Variants in DNAH10 observed in about 807,000 individuals in gnomAD.
The protein encoded by DNAH10 is axonemal beta dynein heavy chain 10.
In DNAH10, 348 loss-of-function variants were observed where a neutral mutation model predicts 506.6. The observed-to-expected ratio is 0.69, with a 90% CI of 0.63 to 0.75. The LOEUF (loss-of-function observed/expected upper bound fraction) is 0.75. DNAH10 is among the 30% of genes least tolerant of loss of function. The pLI, the probability that DNAH10 is intolerant of heterozygous loss-of-function variation, is 0.00. For missense variants in DNAH10, 5,179 were observed against 5,787.1 expected (o/e 0.89, Z 3.41); for synonymous variants, 2,059 against 2,198.6 (o/e 0.94, Z 1.78).
In DNAH10 at chr12:123,917,659, G is replaced by A. The variant is rs762248686; in HGVS notation, c.11078G>A (p.Arg3693Gln). 31 of 1,551,830 alleles carry A rather than the reference G, an allele frequency of 2.0e-5. No homozygotes were observed. The highest frequency in any genetic ancestry group is 2.0e-4 in the Admixed American group (10 of 51,036). ...AYERRELEEQ[R>Q]EHLIQETSEN... ...GAGAGGCGGGAGCTGGAGGAGCAGCGGGAGCACCTCATCCAGGAGACCAGC... is the reference window on the plus strand; with the variant it reads ...GAGAGGCGGGAGCTGGAGGAGCAGCAGGAGCACCTCATCCAGGAGACCAGC... Residue 3693 changes from arginine to glutamine, a missense_variant, in exon 64 of 79, where the codon CGG (arginine) becomes CAG (glutamine). Transcript: ENST00000673944. The surrounding 1 kb of genome is among the most constrained non-coding windows in gnomAD (Gnocchi z 5.6).
chr12:123,791,365 C>T (rs1958073779), intron 11 of DNAH10, among the ~76,000 whole-genome samples: 1 of 152,128 alleles, frequency 6.6e-6, no homozygotes, highest in South Asian at 2.1e-4. Context: ...CTCACCTTTT[C>T]AGTCTCATGC....
chr12:123,873,803 AT>A, intron 46 of DNAH10, 93 bp downstream of exon 46: 1 of 1,444,822 alleles, frequency 6.9e-7, no homozygotes. Context: ...GTATGAGAAC[AT>A]TGATCTTTAC....
intron 37 of DNAH10, among the ~76,000 whole-genome samples, chr12:123,857,997 T>G (rs1951464190): frequency 6.6e-6 from 1 of 152,206 alleles, no homozygotes; most frequent in Admixed American, 6.5e-5. Flanking sequence ...TCACTAACAG[T>G]GTTTTCAACA....
intron 51 of DNAH10, among the ~76,000 whole-genome samples, chr12:123,885,760 AT>A (rs1370372682): frequency 6.6e-6 from 1 of 152,194 alleles, no homozygotes; most frequent in Non-Finnish European, 1.5e-5. Context: ...AATACTAGAT[AT>A]TGTCATGCTG....
Position 123,813,489 on chromosome 12 carries a change from C to G in DNAH10, c.3470C>G (p.Pro1157Arg). The change falls in exon 20 of 79, where the codon CCT becomes CGT. Residue 1157 changes from proline to arginine, a missense_variant. Pro to Arg is a moderately radical substitution (Grantham distance 103, BLOSUM62 -2). Coordinates refer to ENST00000673944, the MANE Select transcript of DNAH10 (RefSeq NM_001372106.1). ...SKIAYEVMRH[P>R]LIKDEHCIRL... ...ATAGCTTATGAGGTTATGCGCCACC[C>G]TCTAATTAAGGATGAGCATTGCATC... is the stretch of plus-strand genomic sequence containing the variant. The G allele has an allele frequency of 6.2e-7, 1 of 1,614,158 alleles. No individual in the cohort carries two copies. Among genetic ancestry groups the G allele is most frequent in the Non-Finnish European group, 8.5e-7 (1 of 1,180,036 alleles).
chr12:123,808,513 T>C (rs1958802223), intron 18 of DNAH10, among the ~76,000 whole-genome samples: 1 of 152,174 alleles, frequency 6.6e-6, no homozygotes, highest in Admixed American at 6.5e-5. Flanking sequence ...GAGTGCTCCT[T>C]TTTCCTTACC....
intron 61 of DNAH10, 114 bp from the exon 62 acceptor site, chr12:123,914,738 G>T: frequency 1.4e-6 from 2 of 1,461,522 alleles, no homozygotes; most frequent in Non-Finnish European, 1.8e-6. Context: ...CTCTGAGGAG[G>T]CTTGTGTGGC....
chr12:123,842,404 A>G (rs1435706545), intron 30 of DNAH10, among the ~76,000 whole-genome samples: 1 of 152,248 alleles, frequency 6.6e-6, no homozygotes, highest in Non-Finnish European at 1.5e-5. Flanking sequence ...AGAAATACAG[A>G]AAGCCTCTTT....
intron 28 of DNAH10, 124 bp from the exon 29 acceptor site, chr12:123,838,311 CCCTGAAAGCCAATGGCACTGG>C (rs1961392715): frequency 1.6e-6 from 1 of 636,184 alleles, no homozygotes; most frequent in Admixed American, 2.9e-5. Context: ...TAAATGGATC[CCCTGAAAGCCAATGGCACTGG>C]GCAGCTTGTC....
At chr12:123,870,721 T>G (rs1566022554) in intron 44 of DNAH10, among the ~76,000 whole-genome samples, 1 of 152,160 alleles carries the variant, frequency 6.6e-6, no homozygotes, top group Admixed American at 6.5e-5. Flanking sequence ...CTCAGCTCTT[T>G]CCCCAGCAGG....
intron 76 of DNAH10, 26 bp from the exon 77 acceptor site, chr12:123,933,305 C>G (rs748801698): frequency 6.8e-7 from 1 of 1,465,388 alleles, no homozygotes; most frequent in East Asian, 2.7e-5. Flanking sequence ...CCCAGGCTCC[C>G]AGCACTTGTC....
intron 13 of DNAH10, among the ~76,000 whole-genome samples, chr12:123,798,695 A>G (rs1167109968): frequency 6.7e-6 from 1 of 148,236 alleles, no homozygotes; most frequent in African/African-American, 2.4e-5. Flanking sequence ...TTTATATTAT[A>G]TTATTTAATA....
intron 56 of DNAH10, 55 bp downstream of exon 56, chr12:123,898,869 G>A (rs1953384696): frequency 6.6e-7 from 1 of 1,523,954 alleles, no homozygotes; most frequent in Admixed American, 2.0e-5. Context: ...ACCCACCGTA[G>A]GTGAGTGAGG....
In DNAH10 at chr12:123,910,537, CCTCTTGAAGA is replaced by C; in HGVS notation, c.10005_10014del (p.Lys3336IlefsTer18). On this transcript the variant is annotated frameshift_variant and splice_region_variant, in exon 59 of 79. Coordinates refer to ENST00000673944, the MANE Select transcript of DNAH10 (RefSeq NM_001372106.1). LOFTEE classifies it high-confidence loss of function. ...AAATTATTGCATGTTTCACGTTAGG[CCTCTTGAAGA>C]CTCTTAATACCACAACTGAAGAAAT... 2 of 1,611,494 alleles carry C rather than the reference CCTCTTGAAGA, an allele frequency of 1.2e-6. No individual in the cohort carries two copies. The highest frequency in any genetic ancestry group is 1.7e-6 in the Non-Finnish European group (2 of 1,179,100).
rs759617991 is a variant in DNAH10, at chr12:123,867,455, A to G, written c.7168-12A>G. On this transcript the variant is annotated splice_polypyrimidine_tract_variant and intron_variant, in intron 41 of 78. Coordinates refer to ENST00000673944, the MANE Select transcript of DNAH10 (RefSeq NM_001372106.1). The stretch of plus-strand genomic sequence containing the variant: ...AACCCTTGAAATGCTTTGGAATGCT[A>G]CTTTTTTATAGGTGGAGCAATACAA... The G allele has an allele frequency of 1.2e-5, 19 of 1,607,844 alleles. No homozygotes were observed. The highest frequency in any genetic ancestry group is 1.0e-4 in the Admixed American group (6 of 58,790).
intron 11 of DNAH10, among the ~76,000 whole-genome samples, chr12:123,791,382 C>T (rs533997104): frequency 1.3e-5 from 2 of 152,104 alleles, no homozygotes; most frequent in Non-Finnish European, 2.9e-5. Flanking sequence ...ATGCAGGAAG[C>T]GTAATTAGGA....
chr12:123,806,461 T>C (rs1958677749), intron 18 of DNAH10, among the ~76,000 whole-genome samples: 1 of 152,234 alleles, frequency 6.6e-6, no homozygotes, highest in African/African-American at 2.4e-5. Flanking sequence ...TGAAATGGTG[T>C]CTGATTAGTG....
intron 59 of DNAH10, among the ~76,000 whole-genome samples, chr12:123,912,713 T>C (rs543351067): frequency 1.7e-4 from 26 of 152,336 alleles, no homozygotes; most frequent in Admixed American, 4.6e-4. Flanking sequence ...TTTGATCATT[T>C]TGAGTCATAT....
In DNAH10 at chr12:123,819,254, A is replaced by G. The variant is rs1959197896; in HGVS notation, c.4000+4A>G. 2 of 1,608,976 alleles carry G rather than the reference A, an allele frequency of 1.2e-6. No individual in the cohort carries two copies. Among genetic ancestry groups the G allele is most frequent in the African/African-American group, 1.3e-5 (1 of 74,976 alleles). On this transcript the variant is annotated splice_donor_region_variant and intron_variant, in intron 23 of 78. Coordinates refer to ENST00000673944, the MANE Select transcript of DNAH10 (RefSeq NM_001372106.1). ...GTTGGTGATGATCTTGATAAAGGTA[A>G]GAATGTTCCTGTTGGTCTTACTGAG...
Sources: gnomAD v4.1 joint callset for allele counts (sites outside exome capture counted in the v4.1 genomes callset) on GRCh38, gnomAD v4.1.1 for gene constraint, Gnocchi (gnomAD v3.1) non-coding constraint, MANE v1.5 for transcripts, NCBI Gene and HGNC (gene_info 2026-07-23, HGNC 2026-07-21) for gene names.